Variants in TFEC observed in about 807,000 individuals in gnomAD.
TFEC encodes the protein transcription factor EC, also known as class E basic helix-loop-helix protein 34.
In TFEC, 31 loss-of-function variants were observed where a neutral mutation model predicts 41.6. The ratio of observed to expected loss-of-function variants is 0.74; its 90% confidence interval spans 0.56 to 1.01. TFEC has a LOEUF of 1.01. Among genes scored for constraint, TFEC ranks in the 50% least tolerant of loss-of-function variants. The pLI is 0.00. For synonymous variants in TFEC, 143 were observed against 140.6 expected, an observed-to-expected ratio of 1.02 and a Z score of -0.12; for missense variants, 402 against 404.1, an observed-to-expected ratio of 0.99 and a Z score of 0.04.
chr7:116,020,936 C>A (rs907279719), intron 1 of TFEC, among the ~76,000 whole-genome samples: 12 of 152,230 alleles, frequency 7.9e-5, no homozygotes, highest in African/African-American at 2.4e-4. Context: ...TTAGAATATT[C>A]AGCCAACATA....
intron 5 of TFEC, among the ~76,000 whole-genome samples, chr7:115,953,780 G>A (rs529427011): frequency 3.9e-5 from 6 of 152,174 alleles, no homozygotes; most frequent in African/African-American, 1.4e-4. Context: ...TGTGACACAG[G>A]CAGGTGCTTT....
intron 1 of TFEC, among the ~76,000 whole-genome samples, chr7:116,000,691 C>T (rs1794558364): frequency 6.6e-6 from 1 of 151,928 alleles, no homozygotes; most frequent in African/African-American, 2.4e-5. Flanking sequence ...GAAAGTAATC[C>T]CATTTGCAAT....
At chr7:115,965,482 G>A (rs1030442002) in intron 3 of TFEC, among the ~76,000 whole-genome samples, 11 of 151,552 alleles carry the variant, frequency 7.3e-5, no homozygotes, top group Non-Finnish European at 1.3e-4. Context: ...GGAATCGTGT[G>A]CATTTGTCTC....
intron 3 of TFEC, among the ~76,000 whole-genome samples, chr7:116,078,874 C>A (rs1014570011): frequency 6.6e-6 from 1 of 151,814 alleles, no homozygotes; most frequent in East Asian, 1.9e-4. Context: ...AAGGACATAA[C>A]CAAAAAATAA....
At chr7:116,071,287 T>C (rs1354182115) in intron 3 of TFEC, among the ~76,000 whole-genome samples, 4 of 150,750 alleles carry the variant, frequency 2.7e-5, no homozygotes, top group Non-Finnish European at 6.0e-5. Context: ...TGATATTCCA[T>C]GTATCAAATG....
Position 116,062,624 on chromosome 7 carries a change from A to G in TFEC, c.198+48084T>C, listed in dbSNP as rs1453590464. On this transcript the variant is annotated intron_variant, in intron 3 of 8. Transcript: ENST00000484212. ...ATCACATTTTTTTACTTGTTGATTG[A>G]TGGGCATTGGGCTGGTTCAATATTT... Among the ~76,000 whole-genome samples, 4 of 131,890 alleles carry G rather than the reference A, an allele frequency of 3.0e-5. No individual in the cohort carries two copies. The East Asian group carries it at 9.3e-4, about 31-fold the overall frequency. 86.5% of individuals were successfully genotyped at this position (131,890 alleles called of 152,430 possible).
At chr7:116,098,621 A>G (rs1291781165) in intron 3 of TFEC, among the ~76,000 whole-genome samples, 1 of 152,180 alleles carries the variant, frequency 6.6e-6, no homozygotes, top group Non-Finnish European at 1.5e-5. Context: ...AATTTTAGTT[A>G]GCGATTTTAA....
chr7:116,089,393 T>A (rs1797272989), intron 3 of TFEC, among the ~76,000 whole-genome samples: 1 of 152,164 alleles, frequency 6.6e-6, no homozygotes, highest in Non-Finnish European at 1.5e-5. Flanking sequence ...GAGTGTAATG[T>A]GTCACATTGT....
At chr7:116,084,755 T>C (rs778839248) in intron 3 of TFEC, among the ~76,000 whole-genome samples, 2 of 151,940 alleles carry the variant, frequency 1.3e-5, no homozygotes, top group African/African-American at 4.8e-5. Context: ...CTTTTAAAAA[T>C]CCTTTGTTTT....
intron 1 of TFEC, among the ~76,000 whole-genome samples, chr7:116,118,439 G>A (rs1346395368): frequency 1.3e-5 from 2 of 151,718 alleles, no homozygotes; most frequent in Non-Finnish European, 2.9e-5. Flanking sequence ...TGAGCTCATT[G>A]TGCCTGCATC....
intron 3 of TFEC, among the ~76,000 whole-genome samples, chr7:116,064,905 A>T (rs1283237286): frequency 6.6e-6 from 1 of 152,184 alleles, no homozygotes; most frequent in African/African-American, 2.4e-5. Flanking sequence ...TCGCTGTTAG[A>T]TTCCAGTGTC....
intron 3 of TFEC, among the ~76,000 whole-genome samples, chr7:116,105,019 T>C (rs1188435550): frequency 6.6e-6 from 1 of 152,218 alleles, no homozygotes; most frequent in Non-Finnish European, 1.5e-5. Context: ...ATATCCTCTA[T>C]ATACATCTCT....
intron 3 of TFEC, among the ~76,000 whole-genome samples, chr7:116,107,643 C>T (rs1173911293): frequency 1.3e-5 from 2 of 152,118 alleles, no homozygotes; most frequent in African/African-American, 4.8e-5. Flanking sequence ...TAGCAGCCAA[C>T]AAATTCTCTC....
intron 3 of TFEC, among the ~76,000 whole-genome samples, chr7:116,070,218 A>C (rs1341800198): frequency 6.6e-6 from 1 of 151,354 alleles, no homozygotes; most frequent in East Asian, 1.9e-4. Context: ...AAGAAATTCA[A>C]CCTTGTTAAT....
intron 3 of TFEC, among the ~76,000 whole-genome samples, chr7:116,044,106 A>G (rs1243359226): frequency 6.6e-6 from 1 of 152,236 alleles, no homozygotes. Context: ...TAAGTCTTTC[A>G]CTGTGAAAGA....
chr7:115,944,077 T>C (rs1344509843), intron 6 of TFEC, among the ~76,000 whole-genome samples: 3 of 140,112 alleles, frequency 2.1e-5, no homozygotes, highest in Non-Finnish European at 4.7e-5. Context: ...TAGAAAGTTT[T>C]GTCAGGTCTC....
At chr7:116,136,986 T>C (rs2402035) in intron 1 of TFEC, among the ~76,000 whole-genome samples, 4,293 of 152,192 alleles carry the variant, frequency 0.028, 200 homozygotes, top group African/African-American at 0.097. Context: ...GTAAAAACTG[T>C]TAATTTCATA....
intron 3 of TFEC, among the ~76,000 whole-genome samples, chr7:116,104,753 C>CAA (rs761114978): frequency 1.9e-5 from 2 of 106,474 alleles, no homozygotes; most frequent in Non-Finnish European, 4.1e-5. Context: ...CTGTATTTCA[C>CAA]AAAAAAAAAA....
At chr7:116,083,573 A>G (rs1001340682) in intron 3 of TFEC, among the ~76,000 whole-genome samples, 1 of 151,978 alleles carries the variant, frequency 6.6e-6, no homozygotes. Context: ...AAAACTCTTG[A>G]TGTCTTTACA....
Sources: gnomAD v4.1 joint callset for allele counts (sites outside exome capture counted in the v4.1 genomes callset) on GRCh38, gnomAD v4.1.1 for gene constraint, MANE v1.5 for transcripts, NCBI Gene and HGNC (gene_info 2026-07-23, HGNC 2026-07-21) for gene names.